Variants in CRACDL observed in about 807,000 individuals in gnomAD.
CRACDL encodes the protein CRACD like, also known as CRACD-like protein.
CRACDL carries 26 observed loss-of-function variants against 70.6 expected under a neutral mutation model. The observed-to-expected ratio is 0.37, with a 90% CI of 0.27 to 0.51. The LOEUF is 0.51. Among genes scored for constraint, CRACDL ranks in the 20% least tolerant of loss-of-function variants. CRACDL has a pLI of 0.94. For missense variants in CRACDL, 1,283 were observed against 1,376.9 expected (o/e 0.93, Z 1.08); for synonymous variants, 618 against 615.2 (o/e 1.00, Z -0.07).
Position 98,832,971 on chromosome 2 carries a change from C to T in CRACDL, c.266G>A (p.Arg89Gln). ...LEESRGTLGSRALSHDSIFIP... is the reference protein window; with the variant it reads ...LEESRGTLGSQALSHDSIFIP... ...GAAAATACTGTCGTGAGAAAGGGCCCGGCTGCCCAGCGTGCCCCTCGACTC... is the reference window on the plus strand; with the variant it reads ...GAAAATACTGTCGTGAGAAAGGGCCTGGCTGCCCAGCGTGCCCCTCGACTC... Residue 89 changes from arginine (R) to glutamine (Q), a missense_variant, in exon 4 of 10, where the codon CGG becomes CAG. Physicochemically the swap from Arg to Gln is conservative, Grantham distance 43 (BLOSUM62 1). This residue lies in a region of CRACDL where 362 missense variants were observed against 495.0 expected (regional missense o/e 0.73). Coordinates refer to ENST00000397899, the MANE Select transcript of CRACDL (RefSeq NM_207362.3). 1 of 1,613,790 alleles carries T rather than the reference C, an allele frequency of 6.2e-7. No homozygotes were observed. Among genetic ancestry groups the T allele is most frequent in the Non-Finnish European group, 8.5e-7 (1 of 1,179,808 alleles).
chr2:98,902,961 T>G (rs116329536), intron 1 of CRACDL, among the ~76,000 whole-genome samples: 2,834 of 152,154 alleles, frequency 0.019, 96 homozygotes, highest in African/African-American at 0.064. Flanking sequence ...CCAGGAAGCT[T>G]CGCATCCTGA....
chr2:98,853,208 G>A (rs1237224693), intron 1 of CRACDL, among the ~76,000 whole-genome samples: 2 of 152,164 alleles, frequency 1.3e-5, no homozygotes, highest in Admixed American at 6.5e-5. Flanking sequence ...ACACAGCATA[G>A]TGTACTAAAA....
At chr2:98,796,494 G>C (rs1703828224) in intron 8 of CRACDL, among the ~76,000 whole-genome samples, 1 of 152,200 alleles carries the variant, frequency 6.6e-6, no homozygotes, top group African/African-American at 2.4e-5. Flanking sequence ...CTTCCTTCCT[G>C]TCCCCACACC....
chr2:98,799,647 G>T (rs1035444150), intron 7 of CRACDL, among the ~76,000 whole-genome samples: 1 of 152,190 alleles, frequency 6.6e-6, no homozygotes, highest in Non-Finnish European at 1.5e-5. Context: ...ATTGTCCCTT[G>T]AAGGTCCAGT....
At chr2:98,811,234 G>A (rs775983657) in intron 7 of CRACDL, among the ~76,000 whole-genome samples, 13 of 151,622 alleles carry the variant, frequency 8.6e-5, no homozygotes, top group African/African-American at 1.2e-4. Flanking sequence ...TATTCTGGCC[G>A]GGCATGGTGG....
chr2:98,795,091 T>TTTTTTTTTTTTTTTTG (rs1703760776), intron 9 of CRACDL, among the ~76,000 whole-genome samples: 1 of 128,408 alleles, frequency 7.8e-6, no homozygotes, highest in Non-Finnish European at 1.6e-5. Flanking sequence ...TTTTTTTTTT[T>TTTTTTTTTTTTTTTTG]TGAGACAGAA....
At chr2:98,865,426 A>G (rs540606035) in intron 1 of CRACDL, among the ~76,000 whole-genome samples, 1 of 152,128 alleles carries the variant, frequency 6.6e-6, no homozygotes, top group East Asian at 1.9e-4. Context: ...TGATTCTTTG[A>G]TCCATTTCCC....
chr2:98,891,054 AAAATAAATAAAT>A (rs542567722), intron 1 of CRACDL, among the ~76,000 whole-genome samples: 14 of 151,800 alleles, frequency 9.2e-5, no homozygotes, highest in Admixed American at 7.9e-4. Flanking sequence ...CTCCATCTCA[AAAATAAATAAAT>A]AAATAAATAA....
rs372868314 is a variant in CRACDL at position 98,898,541 on chromosome 2, T to C, written c.-11+37397A>G. Among the ~76,000 whole-genome samples, 144 of 152,366 alleles carry C rather than the reference T, an allele frequency of 9.5e-4. 2 individuals carry two copies. In the South Asian group the frequency reaches 0.029, roughly 31 times the overall value. On this transcript the variant is annotated intron_variant, in intron 1 of 9. Transcript: ENST00000397899. Reference sequence around the variant, plus strand: ...TGAGCATGCTCGGGGCCAGGGCACATGCACCAGAGTCAGATGGGCTTGCGG... The same window carrying C: ...TGAGCATGCTCGGGGCCAGGGCACACGCACCAGAGTCAGATGGGCTTGCGG...
In CRACDL at chr2:98,935,995, G is replaced by C. The variant is rs865932199; in HGVS notation, c.-68C>G. 6.6e-6 allele frequency: 1 copy of C among 152,120 alleles called. No homozygotes were observed. Among genetic ancestry groups the C allele is most frequent in the Non-Finnish European group, 1.5e-5 (1 of 67,996 alleles). 9.4% of individuals were successfully genotyped at this position (152,120 alleles called of 1,614,324 possible). ...ACGCGCAGAGAAGGGCACCTTCCGC[G>C]GGGTGCGGCGAGCCGGGGCTGCTCC... On this transcript the variant is annotated 5_prime_UTR_variant, in exon 1 of 10. Coordinates refer to ENST00000397899, the MANE Select transcript of CRACDL (RefSeq NM_207362.3).
intron 1 of CRACDL, among the ~76,000 whole-genome samples, chr2:98,894,189 G>A (rs888387051): frequency 2.0e-5 from 3 of 152,302 alleles, no homozygotes; most frequent in East Asian, 1.9e-4. Flanking sequence ...CTTTCCAAGC[G>A]GAAAGCGATA....
intron 5 of CRACDL, among the ~76,000 whole-genome samples, chr2:98,828,296 C>T (rs1404054519): frequency 6.6e-6 from 1 of 152,170 alleles, no homozygotes; most frequent in Non-Finnish European, 1.5e-5. Context: ...ACAGGCTTTT[C>T]GTATAACTCT....
chr2:98,815,517 T>C (rs1416056788), intron 7 of CRACDL, among the ~76,000 whole-genome samples: 1 of 152,062 alleles, frequency 6.6e-6, no homozygotes, highest in Non-Finnish European at 1.5e-5. Flanking sequence ...CAGGACAGAG[T>C]GGCAAGGGAA....
intron 1 of CRACDL, among the ~76,000 whole-genome samples, chr2:98,912,263 T>C (rs953262285): frequency 5.9e-5 from 9 of 152,048 alleles, no homozygotes; most frequent in Non-Finnish European, 1.0e-4. Flanking sequence ...TCGCAAAGAG[T>C]GAAAGAACAC....
chr2:98,842,801 T>C (rs956373666), intron 2 of CRACDL, among the ~76,000 whole-genome samples: 3 of 152,154 alleles, frequency 2.0e-5, no homozygotes, highest in African/African-American at 7.2e-5. Context: ...TGTTGAACCA[T>C]TTCAACCTGC....
intron 3 of CRACDL, among the ~76,000 whole-genome samples, chr2:98,834,782 A>G (rs964872988): frequency 4.6e-5 from 7 of 152,198 alleles, no homozygotes; most frequent in Non-Finnish European, 7.3e-5. Flanking sequence ...CTAATTTTAT[A>G]TCAGATTGTT....
intron 2 of CRACDL, among the ~76,000 whole-genome samples, chr2:98,839,103 T>G (rs959021202): frequency 1.3e-5 from 2 of 152,150 alleles, no homozygotes; most frequent in Non-Finnish European, 1.5e-5. Flanking sequence ...ATCCTGAAAA[T>G]TTGCACAATT....
Position 98,822,385 on chromosome 2 carries a change from G to A in CRACDL, c.1888C>T (p.Arg630Trp), listed in dbSNP as rs962470437. 3.4e-6 allele frequency: 5 copies of A among 1,477,276 alleles called. No homozygotes were observed. Among genetic ancestry groups the A allele is most frequent in the African/African-American group, 1.5e-5 (1 of 67,782 alleles). 91.5% of individuals were successfully genotyped at this position (1,477,276 alleles called of 1,614,324 possible). The stretch of plus-strand genomic sequence containing the variant: ...TGAGGGCCGCGCTCCGCCAGCTTCC[G>A]AGGGCCAGGTTTCGCGTGCTGGGGC... ...PEPQHAKPGP[R>W]KLAERGPQDS... The change falls in exon 7 of 10, where the codon CGG (arginine) becomes TGG (tryptophan). Residue 630 changes from arginine to tryptophan, a missense_variant. Physicochemically the swap from Arg to Trp is moderately radical, Grantham distance 101. Around this residue, in one of 2 missense-constraint regions of CRACDL, gnomAD observed 921 missense variants for 881.9 expected, o/e 1.04. Transcript: ENST00000397899. The surrounding 1 kb of genome is among the most constrained non-coding windows in gnomAD (Gnocchi z 4.9).
intron 1 of CRACDL, among the ~76,000 whole-genome samples, chr2:98,904,640 C>A (rs894894326): frequency 4.6e-5 from 7 of 152,218 alleles, no homozygotes; most frequent in Admixed American, 3.3e-4. Flanking sequence ...AACAAAGCCA[C>A]CTTTAATTTA....
Sources: gnomAD v4.1 joint callset for allele counts (sites outside exome capture counted in the v4.1 genomes callset) on GRCh38, gnomAD v4.1.1 for gene constraint, gnomAD v4.1.1 regional missense constraint, Gnocchi (gnomAD v3.1) non-coding constraint, MANE v1.5 for transcripts, NCBI Gene and HGNC (gene_info 2026-07-23, HGNC 2026-07-21) for gene names.